Variants in RARB observed in about 807,000 individuals in gnomAD.
RARB encodes HBV-activated protein.
A neutral mutation model predicts 51.9 loss-of-function variants in RARB; 17 were observed. That is an observed-to-expected ratio of 0.33 (90% confidence interval 0.22 to 0.49). The LOEUF (loss-of-function observed/expected upper bound fraction) is 0.49. Ranked by LOEUF, RARB falls within the 20% of genes least tolerant of loss-of-function variation. The pLI, the probability that RARB is intolerant of heterozygous loss-of-function variation, is 0.99. For synonymous variants in RARB, 215 were observed against 195.4 expected (o/e 1.10, Z -0.84); for missense variants, 369 against 550.8 (o/e 0.67, Z 3.30).
intron 2 of RARB, among the ~76,000 whole-genome samples, chr3:25,002,175 C>G (rs1484681750): frequency 3.9e-5 from 6 of 152,142 alleles, no homozygotes; most frequent in African/African-American, 1.4e-4. Flanking sequence ...ACAACATTCA[C>G]TTAACATTTA....
chr3:25,028,458 G>A (rs1359563737), intron 2 of RARB, among the ~76,000 whole-genome samples: 1 of 152,210 alleles, frequency 6.6e-6, no homozygotes, highest in Non-Finnish European at 1.5e-5. Flanking sequence ...TCCACTGGAG[G>A]TGGGGTTCAG....
chr3:24,946,721 C>T (rs1017405149), intron 2 of RARB, among the ~76,000 whole-genome samples: 3 of 151,978 alleles, frequency 2.0e-5, no homozygotes, highest in African/African-American at 7.2e-5. Flanking sequence ...ATAGATAAAA[C>T]TTAGCCAGAT....
At chr3:25,519,253 G>C (rs1049317977) in intron 3 of RARB, among the ~76,000 whole-genome samples, 1 of 152,142 alleles carries the variant, frequency 6.6e-6, no homozygotes, top group African/African-American at 2.4e-5. Flanking sequence ...TTTGTGGGAG[G>C]CATGGCCACT....
chr3:24,942,245 G>C (rs1695682596), intron 2 of RARB, among the ~76,000 whole-genome samples: 1 of 152,118 alleles, frequency 6.6e-6, no homozygotes, highest in African/African-American at 2.4e-5. Context: ...TAGGTGTTGG[G>C]ATATAAAAAT....
intron 3 of RARB, among the ~76,000 whole-genome samples, chr3:25,112,010 A>G (rs1198218897): frequency 2.0e-5 from 3 of 152,216 alleles, no homozygotes; most frequent in African/African-American, 7.2e-5. Context: ...ATAAACTGCT[A>G]GGTGGCAAGA....
chr3:25,235,101 C>G (rs1702272773), intron 5 of RARB, among the ~76,000 whole-genome samples: 1 of 152,204 alleles, frequency 6.6e-6, no homozygotes, highest in Non-Finnish European at 1.5e-5. Flanking sequence ...ACATTGTTCT[C>G]CAGCACAGGC....
At chr3:25,220,737 A>G (rs757467891) in intron 5 of RARB, among the ~76,000 whole-genome samples, 4 of 152,164 alleles carry the variant, frequency 2.6e-5, no homozygotes, top group Non-Finnish European at 5.9e-5. Context: ...AGAACTGTGA[A>G]TCAATTAAAT....
intron 5 of RARB, among the ~76,000 whole-genome samples, chr3:25,309,308 GT>G (rs546135979): frequency 0.041 from 5,642 of 136,726 alleles, 147 homozygotes; most frequent in Middle Eastern, 0.067. Context: ...CTAATTTTTT[GT>G]TTTTTTTTTT....
At chr3:25,002,854 G>T (rs983576122) in intron 2 of RARB, among the ~76,000 whole-genome samples, 2 of 151,982 alleles carry the variant, frequency 1.3e-5, no homozygotes, top group African/African-American at 4.8e-5. Flanking sequence ...ATATCTCAGA[G>T]TTGTTAGGGA....
At chr3:25,010,252 C>A (rs894658334) in intron 2 of RARB, among the ~76,000 whole-genome samples, 2 of 151,928 alleles carry the variant, frequency 1.3e-5, no homozygotes, top group Non-Finnish European at 2.9e-5. Flanking sequence ...GAGTCCATAC[C>A]TTTTCCAAAC....
At chr3:25,357,561 G>C (rs1049220920) in intron 5 of RARB, among the ~76,000 whole-genome samples, 1 of 152,152 alleles carries the variant, frequency 6.6e-6, no homozygotes, top group Non-Finnish European at 1.5e-5. Context: ...GTTGCTTTTG[G>C]TGTTTTAGTC....
intron 2 of RARB, among the ~76,000 whole-genome samples, chr3:25,478,392 G>A (rs572912231): frequency 1.2e-3 from 181 of 152,302 alleles, no homozygotes; most frequent in African/African-American, 4.2e-3. Flanking sequence ...GCCAGATGAA[G>A]CAGGTGGCTT....
intron 5 of RARB, among the ~76,000 whole-genome samples, chr3:25,410,909 G>T (rs912783255): frequency 6.6e-6 from 1 of 152,140 alleles, no homozygotes; most frequent in African/African-American, 2.4e-5. Flanking sequence ...CATACTACTG[G>T]GCAAAGGTCA....
At chr3:24,959,731 G>C (rs952517737) in intron 2 of RARB, among the ~76,000 whole-genome samples, 1 of 152,130 alleles carries the variant, frequency 6.6e-6, no homozygotes, top group African/African-American at 2.4e-5. Flanking sequence ...TTGACAGTGT[G>C]ATCTTTCCTT....
intron 3 of RARB, among the ~76,000 whole-genome samples, chr3:25,090,066 A>G (rs1347438648): frequency 1.3e-5 from 2 of 152,160 alleles, no homozygotes; most frequent in Non-Finnish European, 2.9e-5. Flanking sequence ...ATTAAAATCT[A>G]TAGTTAATCT....
intron 3 of RARB, among the ~76,000 whole-genome samples, chr3:25,110,679 TG>T (rs750253518): frequency 6.6e-6 from 1 of 152,208 alleles, no homozygotes; most frequent in Non-Finnish European, 1.5e-5. Context: ...AAATGATTTT[TG>T]CCTTTTCCAT....
chr3:25,499,961 A>G (rs1307465295), intron 2 of RARB, among the ~76,000 whole-genome samples: 1 of 152,258 alleles, frequency 6.6e-6, no homozygotes, highest in Admixed American at 6.5e-5. Context: ...CAGTCTGTAT[A>G]GAATCTGGGT....
rs568312699 is a variant in RARB, at chr3:25,018,179, G to T, written c.-379-41946G>T. On this transcript the variant is annotated intron_variant, in intron 2 of 11. Transcript: ENST00000383772. ...TTTTCAGAGTTTAACTGGATGAATG[G>T]CATAATTACTACAAACACAGATGTG... Among the ~76,000 whole-genome samples, 7 of 152,278 alleles carry T rather than the reference G, an allele frequency of 4.6e-5. No homozygotes were observed. The South Asian group carries it at 8.3e-4, about 18-fold the overall frequency.
chr3:24,916,707 T>C (rs901507541), intron 2 of RARB, among the ~76,000 whole-genome samples: 2 of 132,274 alleles, frequency 1.5e-5, no homozygotes, highest in African/African-American at 5.9e-5. Context: ...CAGTTTCTTA[T>C]AAAATTAAAT....
Sources: gnomAD v4.1 joint callset for allele counts (sites outside exome capture counted in the v4.1 genomes callset) on GRCh38, gnomAD v4.1.1 for gene constraint, MANE v1.5 for transcripts, NCBI Gene and HGNC (gene_info 2026-07-23, HGNC 2026-07-21) for gene names.